RCL1: variants seen among roughly 807,000 people sequenced by gnomAD.
RCL1 encodes RNA terminal phosphate cyclase like 1.
In RCL1, 24 loss-of-function variants were observed where a neutral mutation model predicts 42.4. The ratio of observed to expected loss-of-function variants is 0.57; its 90% CI spans 0.41 to 0.80. RCL1 has a LOEUF of 0.80. Among genes scored for constraint, RCL1 ranks in the 30% least tolerant of loss-of-function variants. RCL1 has a pLI of 0.00. For missense variants in RCL1, 578 were observed against 467.9 expected, an observed-to-expected ratio of 1.24 and a Z score of -2.17; for synonymous variants, 228 against 177.3, an observed-to-expected ratio of 1.29 and a Z score of -2.27.
intron 2 of RCL1, among the ~76,000 whole-genome samples, chr9:4,825,167 G>A (rs2131001953): frequency 6.6e-6 from 1 of 151,950 alleles, no homozygotes; most frequent in Non-Finnish European, 1.5e-5. Flanking sequence ...ACAGGCATGA[G>A]CCACAGTGCG....
In RCL1 at chr9:4,848,299, G is replaced by T. The variant is rs541735424; in HGVS notation, c.868-1148G>T. Among the ~76,000 whole-genome samples, 23 of 152,296 alleles carry T rather than the reference G, an allele frequency of 1.5e-4. 1 individual carries two copies. In the East Asian group the frequency reaches 4.2e-3, roughly 28 times the overall value. ...TTATTAACTAAGGTAGTTTAGGGAC[G>T]TGCAATAGATTTTCATAAAGGCTAG... On this transcript the variant is annotated intron_variant, in intron 7 of 8. Coordinates refer to ENST00000381750, the MANE Select transcript of RCL1 (RefSeq NM_005772.5).
At chr9:4,841,913 G>A (rs12335462) in intron 6 of RCL1, among the ~76,000 whole-genome samples, 3,468 of 152,294 alleles carry the variant, frequency 0.023, 115 homozygotes, top group African/African-American at 0.076. Flanking sequence ...GATGCTCTAT[G>A]TAATGAAGAT....
Position 4,847,855 on chromosome 9 carries a change from T to A in RCL1, c.868-1592T>A, listed in dbSNP as rs531784994. ...CTTGCTGGCCCTGGCATTTTATTTT[T>A]CCCCATCATTCTGTTCTTCCTTCCT... On this transcript the variant is annotated intron_variant, in intron 7 of 8. Coordinates refer to ENST00000381750, the MANE Select transcript of RCL1 (RefSeq NM_005772.5). Among the ~76,000 whole-genome samples the A allele has an allele frequency of 2.0e-5, 3 of 152,324 alleles. No individual in the cohort carries two copies. In the East Asian group the frequency reaches 5.8e-4, roughly 29 times the overall value.
At chr9:4,844,451 C>A (rs1418374369) in intron 6 of RCL1, 74 bp from the exon 7 acceptor site, 12 of 1,168,550 alleles carry the variant, frequency 1.0e-5, no homozygotes, top group Non-Finnish European at 1.5e-5. Flanking sequence ...TGTTTGTCTT[C>A]TCTTTCCGTT....
chr9:4,805,221 A>C (rs1843082562), intron 1 of RCL1, among the ~76,000 whole-genome samples: 1 of 151,776 alleles, frequency 6.6e-6, no homozygotes, highest in Non-Finnish European at 1.5e-5. Context: ...GCAAAACAAA[A>C]AAAACAAACA....
rs759622170 is a variant in RCL1, at chr9:4,841,295, C to A, written c.648C>A (p.Leu216=). 3 of 1,613,026 alleles carry A rather than the reference C, an allele frequency of 1.9e-6. No individual in the cohort carries two copies. In the East Asian group the frequency reaches 6.7e-5, roughly 36 times the overall value. Residue 216 remains leucine, a synonymous_variant, in exon 6 of 9, where the codon CTC becomes CTA. Coordinates refer to ENST00000381750, the MANE Select transcript of RCL1 (RefSeq NM_005772.5). ...NRIVDSARSI[L]NKFIPDIYIY... ...TTGTGGATTCTGCAAGGAGCATCCT[C>A]AACAAGTTCATACCTGATATCTATA...
At position 4,842,408 on chromosome 9, in the gene RCL1, A is replaced by T. The variant is rs186777498; in HGVS notation, c.710+1051A>T. On this transcript the variant is annotated intron_variant, in intron 6 of 8. Coordinates refer to ENST00000381750, the MANE Select transcript of RCL1 (RefSeq NM_005772.5). ...GACCTTTATAAGGCCCAATGGAAAG[A>T]TGAAGGTAGTTTTAGAAATACAGTG... 2.0e-5 allele frequency among the ~76,000 whole-genome samples: 3 copies of T among 152,314 alleles called. No individual in the cohort carries two copies. In the East Asian group the frequency reaches 5.8e-4, roughly 29 times the overall value.
intron 1 of RCL1, among the ~76,000 whole-genome samples, chr9:4,813,051 C>T (rs969128203): frequency 6.6e-6 from 1 of 152,100 alleles, no homozygotes; most frequent in African/African-American, 2.4e-5. Flanking sequence ...GATTTGGATG[C>T]CCTTTATTTC....
chr9:4,805,889 C>T (rs1261144433), intron 1 of RCL1, among the ~76,000 whole-genome samples: 5 of 152,134 alleles, frequency 3.3e-5, no homozygotes, highest in African/African-American at 9.7e-5. Context: ...TTTCAGCATA[C>T]AAGTACAGTA....
intron 8 of RCL1, 141 bp downstream of exon 8, chr9:4,849,691 A>C (rs1817655587): frequency 3.2e-6 from 2 of 618,838 alleles, no homozygotes; most frequent in Non-Finnish European, 5.8e-6. Context: ...AGCAGTTGTC[A>C]CTCTTAACCT....
At chr9:4,839,721 T>C in intron 5 of RCL1, 1 of 984,064 alleles carries the variant, frequency 1.0e-6, no homozygotes, top group Admixed American at 6.1e-5. Flanking sequence ...AGTTAAATAT[T>C]TATTGAGCAT....
At position 4,841,327 on chromosome 9, in the gene RCL1, C is replaced by G. The variant is rs1288220931; in HGVS notation, c.680C>G (p.Thr227Arg). ...TTCATACCTGATATCTATATTTACA[C>G]AGATCACATGAAAGGAGTCAACTCT... ...NKFIPDIYIY[T>R]DHMKGVNSGK... is the part of the protein sequence containing the mutation. Residue 227 changes from threonine to arginine, a missense_variant, in exon 6 of 9, where the codon ACA (threonine) becomes AGA (arginine). By Grantham distance (71) the Thr-to-Arg change is moderately conservative. Coordinates refer to ENST00000381750, the MANE Select transcript of RCL1 (RefSeq NM_005772.5). The G allele has an allele frequency of 1.9e-6, 3 of 1,613,056 alleles. No individual in the cohort carries two copies. Among genetic ancestry groups the G allele is most frequent in the African/African-American group, 2.7e-5 (2 of 74,894 alleles).
intron 5 of RCL1, chr9:4,836,782 G>A (rs1259476600): frequency 6.6e-6 from 1 of 152,470 alleles, no homozygotes; most frequent in East Asian, 1.9e-4. Flanking sequence ...GTGAAGGGCA[G>A]GGAGTAGGGT....
Position 4,850,488 on chromosome 9 carries a change from TTTTTC to T in RCL1, c.971+943_971+947del, listed in dbSNP as rs1457983393. The T allele has an allele frequency of 1.2e-3, 219 of 183,034 alleles. 3 individuals carry two copies. The highest frequency in any genetic ancestry group is 5.7e-3 in the African/African-American group (207 of 36,034). The allele number at this position is 183,034 out of a possible 1,614,324, so 11.3% of individuals were successfully genotyped here. A position where few individuals can be genotyped will look rare whatever the true frequency, so the allele number is the denominator to read the frequency against. On this transcript the variant is annotated intron_variant, in intron 8 of 8. Transcript: ENST00000381750. Reference sequence around the variant, plus strand: ...AAATAAATTCTTATGGAGGCTTTTTTTTTTCTTTTTTTTTTTTTTTTTGGAATTCG... The same window carrying T: ...AAATAAATTCTTATGGAGGCTTTTTTTTTTTTTTTTTTTTTTTGGAATTCG...
intron 1 of RCL1, among the ~76,000 whole-genome samples, chr9:4,808,785 G>A (rs1476500009): frequency 6.6e-6 from 1 of 152,198 alleles, no homozygotes; most frequent in Non-Finnish European, 1.5e-5. Flanking sequence ...TCACAATCAA[G>A]GGTAATGTGG....
At chr9:4,817,069 G>A (rs994908239) in intron 1 of RCL1, among the ~76,000 whole-genome samples, 19 of 152,066 alleles carry the variant, frequency 1.2e-4, no homozygotes, top group Admixed American at 1.2e-3. Context: ...CGCCTGCCTC[G>A]GCCTCCCAAA....
At chr9:4,826,379 G>A (rs1024350236) in intron 2 of RCL1, among the ~76,000 whole-genome samples, 1 of 152,190 alleles carries the variant, frequency 6.6e-6, no homozygotes, top group South Asian at 2.1e-4. Context: ...ACTATTAATG[G>A]CACTGAATGC....
chr9:4,803,178 T>TA (rs1242936366), intron 1 of RCL1, among the ~76,000 whole-genome samples: 1 of 152,196 alleles, frequency 6.6e-6, no homozygotes, highest in African/African-American at 2.4e-5. Context: ...AAGGCTTATT[T>TA]ATCTTACTTA....
chr9:4,847,287 C>A (rs1412638786), intron 7 of RCL1, among the ~76,000 whole-genome samples: 3 of 152,052 alleles, frequency 2.0e-5, no homozygotes. Flanking sequence ...TGTCTATGAT[C>A]TTTAATTATT....
Sources: gnomAD v4.1 joint callset for allele counts (sites outside exome capture counted in the v4.1 genomes callset) on GRCh38, gnomAD v4.1.1 for gene constraint, MANE v1.5 for transcripts, NCBI Gene and HGNC (gene_info 2026-07-23, HGNC 2026-07-21) for gene names.